Variants in SCCPDH observed in about 807,000 individuals in gnomAD.
SCCPDH encodes the protein saccharopine dehydrogenase-like oxidoreductase.
Under a neutral mutation model 51.5 loss-of-function variants are expected in SCCPDH, and 34 were observed. The observed-to-expected ratio is 0.66, with a 90% CI of 0.50 to 0.88. SCCPDH has a LOEUF of 0.88. Among genes scored for constraint, SCCPDH ranks in the 40% least tolerant of loss-of-function variants. SCCPDH has a pLI of 0.00. For synonymous variants in SCCPDH, 187 were observed against 191.3 expected (o/e 0.98, Z 0.19); for missense variants, 464 against 527.1 (o/e 0.88, Z 1.17).
rs1668658125 is a variant in SCCPDH, at chr1:246,740,275, T to C, written c.488T>C (p.Val163Ala). The C allele has an allele frequency of 6.2e-7, 1 of 1,603,224 alleles. No individual in the cohort carries two copies. The highest frequency in any genetic ancestry group is 2.2e-5 in the East Asian group (1 of 44,736). ...GACTCCATTCCAGCAGATCTGGGAG[T>C]AATATATACCAGAAATAAAATGAAT... ...GFDSIPADLG[V>A]IYTRNKMNGT... is the part of the protein sequence containing the mutation. Residue 163 changes from valine (V) to alanine (A), a missense_variant, in exon 4 of 12, where the codon GTA becomes GCA. Physicochemically the swap from Val to Ala is moderately conservative, Grantham distance 64 (BLOSUM62 0). Transcript: ENST00000366510.
At chr1:246,736,091 A>G (rs746874923) in intron 3 of SCCPDH, 36 bp downstream of exon 3, 1 of 1,445,570 alleles carries the variant, frequency 6.9e-7, no homozygotes, top group Admixed American at 1.8e-5. Context: ...TAGAATTAAC[A>G]CATAAATTTC....
intron 2 of SCCPDH, among the ~76,000 whole-genome samples, chr1:246,728,875 G>A (rs1668441741): frequency 2.0e-5 from 3 of 152,084 alleles, no homozygotes; most frequent in Non-Finnish European, 2.9e-5. Context: ...CTTTATTATC[G>A]GGGGAACCAG....
intron 5 of SCCPDH, among the ~76,000 whole-genome samples, chr1:246,756,256 T>C (rs187690994): frequency 3.3e-5 from 5 of 152,284 alleles, no homozygotes; most frequent in Non-Finnish European, 5.9e-5. Context: ...CTGTAGAGCT[T>C]AGAAACAGGC....
rs192703239 is a variant in SCCPDH at position 246,732,480 on chromosome 1, C to T, written c.304-3495C>T. 8.2e-3 allele frequency among the ~76,000 whole-genome samples: 1,245 copies of T among 152,134 alleles called. 8 individuals carry two copies. The highest frequency in any genetic ancestry group is 0.014 in the Admixed American group (208 of 15,284). Reference sequence around the variant, plus strand: ...TAGGCTCACTGCAACCTCCACCTCCCGGGTTCAAGCAATTCTCCTGTCTCA... The same window carrying T: ...TAGGCTCACTGCAACCTCCACCTCCTGGGTTCAAGCAATTCTCCTGTCTCA... On this transcript the variant is annotated intron_variant, in intron 2 of 11. Coordinates refer to ENST00000366510, the MANE Select transcript of SCCPDH (RefSeq NM_016002.3).
intron 3 of SCCPDH, among the ~76,000 whole-genome samples, chr1:246,737,618 GTC>G (rs532981487): frequency 1.3e-5 from 2 of 151,436 alleles, no homozygotes; most frequent in Non-Finnish European, 2.9e-5. Context: ...TTGATACAGG[GTC>G]TCTCTCTCTC....
intron 3 of SCCPDH, among the ~76,000 whole-genome samples, chr1:246,738,505 G>A (rs1280041763): frequency 6.7e-6 from 1 of 149,242 alleles, no homozygotes; most frequent in Non-Finnish European, 1.5e-5. Context: ...GTGGGACTCC[G>A]TCTCAAAAAA....
chr1:246,725,095 A>G (rs75321387), intron 1 of SCCPDH, among the ~76,000 whole-genome samples: 2,639 of 152,230 alleles, frequency 0.017, 81 homozygotes, highest in African/African-American at 0.06. Flanking sequence ...TTGTACTGAC[A>G]GTGTCTTTGT....
At chr1:246,753,010 T>C (rs1466273265) in intron 5 of SCCPDH, among the ~76,000 whole-genome samples, 2 of 152,184 alleles carry the variant, frequency 1.3e-5, no homozygotes, top group African/African-American at 4.8e-5. Context: ...TCTTTCTCTC[T>C]CTTTGCCTCT....
chr1:246,764,678 TGTCA>T (rs1669063795), intron 10 of SCCPDH, among the ~76,000 whole-genome samples: 1 of 152,262 alleles, frequency 6.6e-6, no homozygotes, highest in Non-Finnish European at 1.5e-5. Flanking sequence ...GTAATTATAA[TGTCA>T]GTCAAATCTG....
chr1:246,736,725 C>T (rs905914838), intron 3 of SCCPDH, among the ~76,000 whole-genome samples: 1 of 151,894 alleles, frequency 6.6e-6, no homozygotes, highest in Non-Finnish European at 1.5e-5. Context: ...AAAGAAAATT[C>T]AGTTACCTTT....
chr1:246,725,256 A>G (rs528207298), intron 1 of SCCPDH, among the ~76,000 whole-genome samples: 4 of 114,520 alleles, frequency 3.5e-5, no homozygotes, highest in African/African-American at 1.7e-4. Context: ...CTAAGCATTC[A>G]GGTAGCATAT....
In SCCPDH at chr1:246,766,038, T is replaced by C. The variant is rs371767478; in HGVS notation, c.1103-20T>C. 5 of 1,550,276 alleles carry C rather than the reference T, an allele frequency of 3.2e-6. No individual in the cohort carries two copies. The African/African-American group carries it at 5.5e-5, about 17-fold the overall frequency. On this transcript the variant is annotated intron_variant, in intron 10 of 11. Transcript: ENST00000366510. ...ACTTCATGATTCCTTTCTTTTTCCC[T>C]GATCAACTGTTTTCTGCAGAGGCTG...
At chr1:246,744,146 T>G in intron 5 of SCCPDH, 21 bp downstream of exon 5, 1 of 1,494,398 alleles carries the variant, frequency 6.7e-7, no homozygotes, top group Non-Finnish European at 9.2e-7. Flanking sequence ...TGGTTTGTCT[T>G]GTGTTGTTTC....
intron 4 of SCCPDH, among the ~76,000 whole-genome samples, chr1:246,743,304 G>T (rs1024535971): frequency 9.9e-5 from 15 of 152,082 alleles, no homozygotes; most frequent in African/African-American, 3.4e-4. Context: ...AAAATTGGGG[G>T]CCGGGCATGG....
At chr1:246,734,012 G>C (rs1274921320) in intron 2 of SCCPDH, among the ~76,000 whole-genome samples, 1 of 152,108 alleles carries the variant, frequency 6.6e-6, no homozygotes. Context: ...AATGTCTGGG[G>C]CAGTGATTCT....
chr1:246,744,533 C>T (rs557665454), intron 5 of SCCPDH, among the ~76,000 whole-genome samples: 1 of 152,150 alleles, frequency 6.6e-6, no homozygotes, highest in Non-Finnish European at 1.5e-5. Context: ...GTTGGTCAGG[C>T]TGGTCTCGAA....
chr1:246,728,683 C>CT (rs563487565), intron 2 of SCCPDH, among the ~76,000 whole-genome samples: 93 of 151,360 alleles, frequency 6.1e-4, no homozygotes, highest in African/African-American at 2.0e-3. Flanking sequence ...TTTTATTTTT[C>CT]TTTTTTTTTA....
intron 5 of SCCPDH, among the ~76,000 whole-genome samples, chr1:246,744,531 G>A (rs1572298571): frequency 6.6e-6 from 1 of 151,982 alleles, no homozygotes; most frequent in African/African-American, 2.4e-5. Flanking sequence ...ATGTTGGTCA[G>A]GCTGGTCTCG....
intron 1 of SCCPDH, among the ~76,000 whole-genome samples, chr1:246,726,546 A>C (rs1668403188): frequency 6.6e-6 from 1 of 152,108 alleles, no homozygotes; most frequent in African/African-American, 2.4e-5. Flanking sequence ...TATGACATAA[A>C]TTTCTTGTTG....
Sources: allele counts gnomAD v4.1 joint callset (sites outside exome capture counted in the v4.1 genomes callset), GRCh38; gene constraint gnomAD v4.1.1; transcripts MANE v1.5; gene names NCBI Gene and HGNC (gene_info 2026-07-23, HGNC 2026-07-21).